Variants in TLN2 observed in about 807,000 individuals in gnomAD.
The protein encoded by TLN2 is talin 2.
Under a neutral mutation model 294.7 loss-of-function variants are expected in TLN2, and 118 were observed. The observed-to-expected ratio is 0.40, with a 90% CI of 0.34 to 0.47. TLN2 has a LOEUF of 0.47. TLN2 is among the 20% of genes least tolerant of loss of function. The pLI, the probability that TLN2 is intolerant of heterozygous loss-of-function variation, is 0.84. For synonymous variants in TLN2, 1,431 were observed against 1,304.5 expected (o/e 1.10, Z -2.09); for missense variants, 3,083 against 3,282.2 (o/e 0.94, Z 1.48).
At chr15:62,656,137 C>G in intron 8 of TLN2, 51 bp downstream of exon 8, 1 of 1,601,784 alleles carries the variant, frequency 6.2e-7, no homozygotes, top group Non-Finnish European at 8.5e-7. Flanking sequence ...GCAGGAAGCT[C>G]CTGGCTGTAT....
chr15:62,698,457 C>T (rs1174008497), intron 15 of TLN2, among the ~76,000 whole-genome samples: 5 of 152,228 alleles, frequency 3.3e-5, no homozygotes, highest in African/African-American at 1.2e-4. Flanking sequence ...AAGATTGGAT[C>T]ACCCCAGTTC....
At chr15:62,455,169 G>C (rs368345537) in intron 1 of TLN2, among the ~76,000 whole-genome samples, 41 of 147,466 alleles carry the variant, frequency 2.8e-4, no homozygotes, top group African/African-American at 1.0e-3. Flanking sequence ...AAAGATTGTG[G>C]TGCCTCCTGA....
At chr15:62,812,148 G>A (rs945806677) in intron 52 of TLN2, among the ~76,000 whole-genome samples, 1 of 152,096 alleles carries the variant, frequency 6.6e-6, no homozygotes, top group African/African-American at 2.4e-5. Context: ...CTCCTAAATG[G>A]GAGCTCTCCC....
intron 1 of TLN2, among the ~76,000 whole-genome samples, chr15:62,532,023 A>AT (rs1334214900): frequency 1.4e-5 from 2 of 147,976 alleles, no homozygotes; most frequent in East Asian, 2.0e-4. Context: ...GGGAATAATT[A>AT]TTTTTTTTAC....
chr15:62,655,575 A>G (rs2053112828), intron 7 of TLN2, among the ~76,000 whole-genome samples: 1 of 12,128 alleles, frequency 8.2e-5, no homozygotes, highest in Non-Finnish European at 2.5e-3. Flanking sequence ...CATATTATAC[A>G]TTCATTGTAG....
chr15:62,564,285 GA>G (rs1298809437), intron 1 of TLN2, among the ~76,000 whole-genome samples: 3 of 152,168 alleles, frequency 2.0e-5, no homozygotes, highest in African/African-American at 7.2e-5. Context: ...CAGAGTCCTG[GA>G]GACTTCATAA....
intron 1 of TLN2, among the ~76,000 whole-genome samples, chr15:62,526,469 G>T (rs12900096): frequency 2.0e-5 from 3 of 152,014 alleles, no homozygotes; most frequent in Admixed American, 6.5e-5. Flanking sequence ...CTGGAACTTC[G>T]CTTCCGCATC....
At chr15:62,814,336 C>T (rs2066916388) in intron 52 of TLN2, among the ~76,000 whole-genome samples, 1 of 152,200 alleles carries the variant, frequency 6.6e-6, no homozygotes. Context: ...TGACTTCCTT[C>T]TATAGACCAC....
chr15:62,519,214 T>C (rs946661586), intron 1 of TLN2, among the ~76,000 whole-genome samples: 12 of 152,324 alleles, frequency 7.9e-5, no homozygotes, highest in African/African-American at 2.9e-4. Context: ...CTCCTGAGTG[T>C]GCTTTTTATA....
intron 1 of TLN2, among the ~76,000 whole-genome samples, chr15:62,514,582 C>G (rs540434279): frequency 4.9e-4 from 75 of 152,240 alleles, no homozygotes; most frequent in Non-Finnish European, 9.0e-4. Context: ...TTTAGCAGTT[C>G]ATGGGCATTG....
rs771291639 is a variant in TLN2, at chr15:62,707,101, T to A, written c.2020T>A (p.Leu674Met). The A allele has an allele frequency of 6.2e-7, 1 of 1,613,098 alleles. No individual in the cohort carries two copies. The highest frequency in any genetic ancestry group is 8.5e-7 in the Non-Finnish European group (1 of 1,179,514). Reference protein sequence around the residue: ...DERFQDVLMSLAKAVANAAAM... With the variant: ...DERFQDVLMSMAKAVANAAAM... ...CTTTTCTTAGGATGTTTTAATGAGT[T>A]TGGCCAAAGCTGTTGCCAATGCAGC... Residue 674 changes from leucine (L) to methionine (M), a missense_variant, in exon 20 of 59, where the codon TTG (leucine) becomes ATG (methionine). By Grantham distance (15) the Leu-to-Met change is conservative (BLOSUM62 2). Coordinates refer to ENST00000636159, the MANE Select transcript of TLN2 (RefSeq NM_015059.3).
intron 1 of TLN2, among the ~76,000 whole-genome samples, chr15:62,582,289 G>GT (rs1270127313): frequency 6.9e-6 from 1 of 144,766 alleles, no homozygotes; most frequent in Non-Finnish European, 1.5e-5. Flanking sequence ...CTGTACCCCA[G>GT]TTTTTTGGGG....
At position 62,692,904 on chromosome 15, in the gene TLN2, A is replaced by T; in HGVS notation, c.1178A>T (p.Gln393Leu). The T allele has an allele frequency of 6.2e-7, 1 of 1,613,704 alleles. No individual in the cohort carries two copies. Among genetic ancestry groups the T allele is most frequent in the East Asian group, 2.2e-5 (1 of 44,846 alleles). Residue 393 changes from glutamine (Q) to leucine (L), a missense_variant, in exon 13 of 59, where the codon CAG becomes CTG. Physicochemically the swap from Gln to Leu is moderately radical, Grantham distance 113. Transcript: ENST00000636159. ...ACCACCGAGGGAGAGCAGATATCCC[A>T]GCTGATTGCAGGCTACATTGACATC... Reference protein sequence around the residue: ...VQTTEGEQISQLIAGYIDIIL... With the variant: ...VQTTEGEQISLLIAGYIDIIL...
chr15:62,774,629 G>A (rs2063571089), intron 42 of TLN2, among the ~76,000 whole-genome samples: 1 of 152,212 alleles, frequency 6.6e-6, no homozygotes, highest in Admixed American at 6.5e-5. Flanking sequence ...GACCCTCTAA[G>A]AATCTGTGAA....
intron 1 of TLN2, among the ~76,000 whole-genome samples, chr15:62,539,013 C>T (rs1281235816): frequency 6.6e-6 from 1 of 152,120 alleles, no homozygotes; most frequent in Non-Finnish European, 1.5e-5. Flanking sequence ...TTAGGAGATT[C>T]AGTTGTGATT....
intron 1 of TLN2, among the ~76,000 whole-genome samples, chr15:62,401,014 C>T (rs2032982383): frequency 6.6e-6 from 1 of 152,020 alleles, no homozygotes; most frequent in African/African-American, 2.4e-5. Flanking sequence ...CAGGGTTTCA[C>T]CGTGTTGCCC....
chr15:62,564,697 A>AG (rs2043237398), intron 1 of TLN2, among the ~76,000 whole-genome samples: 1 of 152,028 alleles, frequency 6.6e-6, no homozygotes, highest in African/African-American at 2.4e-5. Context: ...ACTTGAGGCC[A>AG]GGAGTTCGAG....
At chr15:62,687,672 T>C (rs2057397232) in intron 12 of TLN2, 1 of 152,200 alleles carries the variant, frequency 6.6e-6, no homozygotes, top group African/African-American at 2.4e-5. Context: ...GCTTGAAATA[T>C]CACCTCTTAT....
chr15:62,594,107 A>G (rs1596284066), intron 2 of TLN2, among the ~76,000 whole-genome samples: 1 of 152,268 alleles, frequency 6.6e-6, no homozygotes, highest in Non-Finnish European at 1.5e-5. Flanking sequence ...AGTAATCGAA[A>G]CAGCATGGGT....
Sources: gnomAD v4.1 joint callset for allele counts (sites outside exome capture counted in the v4.1 genomes callset) on GRCh38, gnomAD v4.1.1 for gene constraint, MANE v1.5 for transcripts, NCBI Gene and HGNC (gene_info 2026-07-23, HGNC 2026-07-21) for gene names.